Variants in MICU1 observed in about 807,000 individuals in gnomAD.
The protein encoded by MICU1 is calcium uptake protein 1, mitochondrial.
A neutral mutation model predicts 56.8 loss-of-function variants in MICU1; 45 were observed. The ratio of observed to expected loss-of-function variants is 0.79; its 90% CI spans 0.62 to 1.02. The LOEUF (loss-of-function observed/expected upper bound fraction) is 1.02. Ranked by LOEUF, MICU1 falls within the 50% of genes least tolerant of loss-of-function variation. MICU1 has a pLI of 0.00. For synonymous variants in MICU1, 186 were observed against 195.1 expected (o/e 0.95, Z 0.39); for missense variants, 504 against 587.1 (o/e 0.86, Z 1.46).
chr10:72,504,202 C>T (rs529595646), intron 6 of MICU1, among the ~76,000 whole-genome samples: 1 of 151,896 alleles, frequency 6.6e-6, no homozygotes, highest in Admixed American at 6.6e-5. Context: ...AAAGAGGAAA[C>T]CCAGAGGTAT....
At chr10:72,474,967 TATAAAGCACTG>T in intron 8 of MICU1, 122 bp downstream of exon 8, 1 of 709,794 alleles carries the variant, frequency 1.4e-6, no homozygotes, top group Non-Finnish European at 2.2e-6. Flanking sequence ...GCTGTCAGTT[TATAAAGCACTG>T]ATAAGCTTCA....
intron 1 of MICU1, among the ~76,000 whole-genome samples, chr10:72,613,105 C>G (rs942248039): frequency 6.6e-5 from 10 of 151,964 alleles, no homozygotes; most frequent in Admixed American, 3.3e-4. Flanking sequence ...ATTTCAAAGA[C>G]TACTATTATC....
intron 1 of MICU1, among the ~76,000 whole-genome samples, chr10:72,614,386 G>T (rs1841929413): frequency 6.6e-6 from 1 of 152,110 alleles, no homozygotes; most frequent in Non-Finnish European, 1.5e-5. Flanking sequence ...ATTTCCAAAG[G>T]AATTTAAAGG....
chr10:72,393,909 GT>G (rs927298499), intron 10 of MICU1, among the ~76,000 whole-genome samples: 7 of 152,082 alleles, frequency 4.6e-5, no homozygotes, highest in Non-Finnish European at 1.0e-4. Context: ...GAGATTACAG[GT>G]GCCCGCTGCC....
intron 5 of MICU1, among the ~76,000 whole-genome samples, chr10:72,513,755 T>G (rs1223315298): frequency 6.6e-6 from 1 of 152,176 alleles, no homozygotes; most frequent in Non-Finnish European, 1.5e-5. Flanking sequence ...ACCTTCATTC[T>G]TTTGTACGTG....
intron 1 of MICU1, among the ~76,000 whole-genome samples, chr10:72,625,657 A>T (rs117254316): frequency 0.011 from 1,646 of 152,292 alleles, 24 homozygotes; most frequent in South Asian, 0.029. Context: ...CACAAATTCC[A>T]GGAGAGCCAG....
intron 6 of MICU1, among the ~76,000 whole-genome samples, chr10:72,485,108 A>C (rs1365037664): frequency 6.6e-6 from 1 of 152,210 alleles, no homozygotes; most frequent in African/African-American, 2.4e-5. Flanking sequence ...TCAGCCAACA[A>C]GAAGAAAAAT....
chr10:72,477,287 G>A, intron 6 of MICU1, 31 bp from the exon 7 acceptor site: 1 of 1,471,046 alleles, frequency 6.8e-7, no homozygotes, highest in Non-Finnish European at 9.1e-7. Context: ...ATATTTAGAA[G>A]GCATTGACCA....
At chr10:72,424,176 G>A (rs1253985420) in intron 8 of MICU1, among the ~76,000 whole-genome samples, 2 of 151,042 alleles carry the variant, frequency 1.3e-5, no homozygotes, top group Admixed American at 6.6e-5. Context: ...GCAATGGTGC[G>A]ATCTTGGTTT....
chr10:72,425,643 TA>T (rs1380550645), intron 8 of MICU1, among the ~76,000 whole-genome samples: 1 of 152,154 alleles, frequency 6.6e-6, no homozygotes, highest in African/African-American at 2.4e-5. Context: ...CTTCGACGCT[TA>T]CTACTTCAGT....
At chr10:72,465,563 G>A (rs1225929566) in intron 8 of MICU1, among the ~76,000 whole-genome samples, 1 of 132,730 alleles carries the variant, frequency 7.5e-6, no homozygotes, top group Non-Finnish European at 1.6e-5. Context: ...ACCCAGGCTG[G>A]AGTGCAGTGG....
At chr10:72,373,631 C>A (rs1862421462) in intron 11 of MICU1, among the ~76,000 whole-genome samples, 1 of 152,110 alleles carries the variant, frequency 6.6e-6, no homozygotes, top group African/African-American at 2.4e-5. Flanking sequence ...GAACCTCTTT[C>A]TAAAAAGCTA....
intron 5 of MICU1, among the ~76,000 whole-genome samples, chr10:72,520,572 T>G (rs961319331): frequency 2.0e-5 from 3 of 152,154 alleles, no homozygotes; most frequent in Non-Finnish European, 4.4e-5. Flanking sequence ...CTTAAGATAC[T>G]GTAAACTTCA....
intron 5 of MICU1, among the ~76,000 whole-genome samples, chr10:72,516,904 TG>T (rs1461414526): frequency 1.4e-4 from 21 of 152,160 alleles, no homozygotes; most frequent in African/African-American, 5.1e-4. Flanking sequence ...AGAAGTTACT[TG>T]TATGTTTTCA....
chr10:72,477,346 T>C, intron 6 of MICU1, 90 bp from the exon 7 acceptor site: 2 of 1,202,496 alleles, frequency 1.7e-6, no homozygotes, highest in Non-Finnish European at 2.3e-6. Context: ...CACTAAAATG[T>C]AATATCAAAG....
At chr10:72,434,142 A>G (rs184728111) in intron 8 of MICU1, among the ~76,000 whole-genome samples, 3 of 152,272 alleles carry the variant, frequency 2.0e-5, no homozygotes, top group Non-Finnish European at 4.4e-5. Context: ...TTCCAAAACA[A>G]AGAAGGCCTA....
At chr10:72,476,584 T>C (rs922581435) in intron 7 of MICU1, among the ~76,000 whole-genome samples, 1 of 152,220 alleles carries the variant, frequency 6.6e-6, no homozygotes, top group Non-Finnish European at 1.5e-5. Flanking sequence ...CTGGAATATT[T>C]GCCCCTTTCC....
chr10:72,500,953 T>C (rs1867049854), intron 6 of MICU1, among the ~76,000 whole-genome samples: 1 of 152,224 alleles, frequency 6.6e-6, no homozygotes, highest in Non-Finnish European at 1.5e-5. Context: ...AGTTGGTTAG[T>C]GCAGAGAAGT....
chr10:72,623,174 G>A (rs1301460864), intron 1 of MICU1, among the ~76,000 whole-genome samples: 6 of 151,962 alleles, frequency 3.9e-5, no homozygotes, highest in Admixed American at 2.0e-4. Flanking sequence ...ACGAGGATGA[G>A]GCAGAAGAAT....
Sources: gnomAD v4.1 joint callset for allele counts (sites outside exome capture counted in the v4.1 genomes callset) on GRCh38, gnomAD v4.1.1 for gene constraint, MANE v1.5 for transcripts, NCBI Gene and HGNC (gene_info 2026-07-23, HGNC 2026-07-21) for gene names.